Variants in CARNMT1 observed in about 807,000 individuals in gnomAD.
CARNMT1 encodes the protein protein-L-histidine N-pros-methyltransferase CARNMT1.
CARNMT1 carries 28 observed loss-of-function variants against 49.6 expected under a neutral mutation model. The ratio of observed to expected loss-of-function variants is 0.56; its 90% CI spans 0.42 to 0.77. The LOEUF is 0.77. CARNMT1 is among the 30% of genes least tolerant of loss of function. The probability of loss-of-function intolerance (pLI) is 0.00; values close to 1 mark genes in which losing one functional copy is unlikely to be tolerated. For synonymous variants in CARNMT1, 178 were observed against 175.0 expected, an observed-to-expected ratio of 1.02 and a Z score of -0.13; for missense variants, 421 against 512.6, an observed-to-expected ratio of 0.82 and a Z score of 1.73.
Position 74,987,770 on chromosome 9 carries a change from A to G in CARNMT1, c.1025-2760T>C, listed in dbSNP as rs747890350. Among the ~76,000 whole-genome samples the G allele has an allele frequency of 4.1e-4, 63 of 152,184 alleles. 1 individual carries two copies. The highest frequency in any genetic ancestry group is 7.6e-4 in the Non-Finnish European group (52 of 68,004). ...TTGTAAAAAGGGTGAATTTTATTAT[A>G]TGTCAATTATATCTCCAAAAAAATC... On this transcript the variant is annotated intron_variant, in intron 6 of 7. Transcript: ENST00000376834.
At position 74,983,765 on chromosome 9, in the gene CARNMT1, C is replaced by A; in HGVS notation, c.*2G>T. ...TTTTCCAGGTGGTATCACTTGAGAC[C>A]ATTATTGTGGCTTACGGACCACAAA... On this transcript the variant is annotated 3_prime_UTR_variant, in exon 8 of 8. Coordinates refer to ENST00000376834, the MANE Select transcript of CARNMT1 (RefSeq NM_152420.3). 1 of 1,575,372 alleles carries A rather than the reference C, an allele frequency of 6.3e-7. No homozygotes were observed. Among genetic ancestry groups the A allele is most frequent in the Non-Finnish European group, 8.7e-7 (1 of 1,155,440 alleles).
intron 3 of CARNMT1, among the ~76,000 whole-genome samples, chr9:75,005,827 A>AACACACACACACAC (rs10569961): frequency 2.6e-4 from 35 of 135,806 alleles, no homozygotes; most frequent in East Asian, 1.3e-3. Context: ...GTGAAATTAA[A>AACACACACACACAC]ACACACACAC....
chr9:74,987,899 T>C (rs193001066), intron 6 of CARNMT1, among the ~76,000 whole-genome samples: 1 of 152,262 alleles, frequency 6.6e-6, no homozygotes, highest in Non-Finnish European at 1.5e-5. Context: ...TCTTTGAGGC[T>C]GAGCAGTTTT....
At chr9:75,002,764 A>G (rs1284271693) in intron 3 of CARNMT1, among the ~76,000 whole-genome samples, 1 of 152,076 alleles carries the variant, frequency 6.6e-6, no homozygotes, top group Admixed American at 6.5e-5. Context: ...TAAATTTGAG[A>G]CAGTCTTGCT....
chr9:75,009,047 G>A (rs1833605779), intron 3 of CARNMT1, among the ~76,000 whole-genome samples: 2 of 148,658 alleles, frequency 1.3e-5, no homozygotes, highest in South Asian at 2.1e-4. Context: ...CCATTCAATC[G>A]GGAAAGGACA....
chr9:75,014,021 A>T (rs1186543360), intron 3 of CARNMT1, among the ~76,000 whole-genome samples: 7 of 39,754 alleles, frequency 1.8e-4, no homozygotes, highest in Admixed American at 9.5e-4. Context: ...CCACTTACTT[A>T]AAAAAAAAAA....
intron 1 of CARNMT1, among the ~76,000 whole-genome samples, chr9:75,021,188 A>C (rs1822340126): frequency 6.7e-6 from 1 of 149,636 alleles, no homozygotes; most frequent in Non-Finnish European, 1.5e-5. Context: ...GCAAGCGCTC[A>C]AAATATATAT....
chr9:75,009,060 CTTTTTTT>C lies in CARNMT1; in HGVS notation c.590+7201_590+7207del, dbSNP rs752851220. Among the ~76,000 whole-genome samples, 7 of 125,508 alleles carry C rather than the reference CTTTTTTT, an allele frequency of 5.6e-5. No individual in the cohort carries two copies. The East Asian group carries it at 7.2e-4, about 13-fold the overall frequency. 82.3% of individuals were successfully genotyped at this position (125,508 alleles called of 152,430 possible). A position where few individuals can be genotyped will look rare whatever the true frequency, so the allele number is the denominator to read the frequency against. On this transcript the variant is annotated intron_variant, in intron 3 of 7. Transcript: ENST00000376834. ...GACCATTCAATCGGGAAAGGACAGT[CTTTTTTT>C]TTTTTTTTTTTTTTAACAAATGTAT...
intron 3 of CARNMT1, among the ~76,000 whole-genome samples, chr9:75,001,726 T>C (rs1008808328): frequency 6.6e-6 from 1 of 152,178 alleles, no homozygotes; most frequent in Non-Finnish European, 1.5e-5. Context: ...ACAAGGGATA[T>C]TAACAGCATA....
In CARNMT1 at chr9:74,983,425, T is replaced by C. The variant is rs1428109261; in HGVS notation, c.*342A>G. ...AGATTATTATGTACTTCAATACTATTAGTCATTAATTCGGCAGACTTGCAA... is the reference window on the plus strand; with the variant it reads ...AGATTATTATGTACTTCAATACTATCAGTCATTAATTCGGCAGACTTGCAA... On this transcript the variant is annotated 3_prime_UTR_variant, in exon 8 of 8. Coordinates refer to ENST00000376834, the MANE Select transcript of CARNMT1 (RefSeq NM_152420.3). 5.7e-6 allele frequency: 1 copy of C among 174,740 alleles called. No homozygotes were observed. The highest frequency in any genetic ancestry group is 1.2e-5 in the Non-Finnish European group (1 of 83,026). The allele number at this position is 174,740 out of a possible 1,614,324, so 10.8% of individuals were successfully genotyped here. A position where few individuals can be genotyped will look rare whatever the true frequency, so the allele number is the denominator to read the frequency against.
intron 6 of CARNMT1, among the ~76,000 whole-genome samples, chr9:74,988,418 TAC>T (rs1325195120): frequency 1.3e-5 from 2 of 152,222 alleles, no homozygotes; most frequent in African/African-American, 4.8e-5. Flanking sequence ...ATATTCCATA[TAC>T]AGTTTTACAT....
At chr9:75,000,193 T>C (rs147039858) in intron 3 of CARNMT1, among the ~76,000 whole-genome samples, 5 of 152,116 alleles carry the variant, frequency 3.3e-5, no homozygotes, top group African/African-American at 1.2e-4. Flanking sequence ...AGACAAATTA[T>C]TCCAAAGGGA....
Position 74,983,606 on chromosome 9 carries a change from A to C in CARNMT1, c.*161T>G. 2.0e-6 allele frequency: 1 copy of C among 493,652 alleles called. No individual in the cohort carries two copies. The highest frequency in any genetic ancestry group is 3.7e-6 in the Non-Finnish European group (1 of 271,706). The allele number at this position is 493,652 out of a possible 1,614,324, so 30.6% of individuals were successfully genotyped here. On this transcript the variant is annotated 3_prime_UTR_variant, in exon 8 of 8. Coordinates refer to ENST00000376834, the MANE Select transcript of CARNMT1 (RefSeq NM_152420.3). Reference sequence around the variant, plus strand: ...TAGTATATTTCTGAAAAAGCAATAGACATATTAAGAAAATAGACACTATTT... The same window carrying C: ...TAGTATATTTCTGAAAAAGCAATAGCCATATTAAGAAAATAGACACTATTT...
chr9:75,001,415 T>A (rs1833351355), intron 3 of CARNMT1, among the ~76,000 whole-genome samples: 1 of 152,162 alleles, frequency 6.6e-6, no homozygotes, highest in African/African-American at 2.4e-5. Context: ...ACTCTCCACC[T>A]CAACCTAATG....
chr9:75,016,661 T>C (rs1833865407), intron 2 of CARNMT1: 1 of 481,938 alleles, frequency 2.1e-6, no homozygotes, highest in African/African-American at 2.0e-5. Context: ...CACCATATAA[T>C]TAAGCAGTCT....
intron 6 of CARNMT1, among the ~76,000 whole-genome samples, chr9:74,993,260 C>T (rs1041830911): frequency 5.3e-5 from 8 of 152,050 alleles, no homozygotes; most frequent in African/African-American, 1.9e-4. Context: ...TAACCCAACC[C>T]GAAAGGATCA....
At chr9:75,003,022 G>C (rs1190169184) in intron 3 of CARNMT1, among the ~76,000 whole-genome samples, 1 of 152,122 alleles carries the variant, frequency 6.6e-6, no homozygotes. Context: ...ACAGGCATGA[G>C]CCACCACACC....
In CARNMT1 at chr9:75,028,001, G is replaced by A. The variant is rs772977364; in HGVS notation, c.230+11C>T. On this transcript the variant is annotated intron_variant, in intron 1 of 7. Transcript: ENST00000376834. ...GACGGTCTGGGCCGGGGTCCGCCAC[G>A]GGCTCCTTACCCGTAGTAGCGGAAG... is the stretch of plus-strand genomic sequence containing the variant. 1.3e-6 allele frequency: 2 copies of A among 1,556,418 alleles called. No homozygotes were observed. The highest frequency in any genetic ancestry group is 3.8e-5 in the Admixed American group (2 of 52,976).
In CARNMT1 at chr9:74,983,460, T is replaced by C; in HGVS notation, c.*307A>G. On this transcript the variant is annotated 3_prime_UTR_variant, in exon 8 of 8. Coordinates refer to ENST00000376834, the MANE Select transcript of CARNMT1 (RefSeq NM_152420.3). ...TTCGGCAGACTTGCAATGGACAGCA[T>C]CATGAAGACACTGGAGATTAGGTTT... is the stretch of plus-strand genomic sequence containing the variant. 1 of 213,114 alleles carries C rather than the reference T, an allele frequency of 4.7e-6. No homozygotes were observed. The allele number at this position is 213,114 out of a possible 1,614,324, so 13.2% of individuals were successfully genotyped here.
Sources: gnomAD v4.1 joint callset for allele counts (sites outside exome capture counted in the v4.1 genomes callset) on GRCh38, gnomAD v4.1.1 for gene constraint, MANE v1.5 for transcripts, NCBI Gene and HGNC (gene_info 2026-07-23, HGNC 2026-07-21) for gene names.